Variants in ZNF117 observed in about 807,000 individuals in gnomAD.
ZNF117 encodes the protein Krueppel-related zinc finger protein.
ZNF117 carries 37 observed loss-of-function variants against 41.2 expected under a neutral mutation model. The observed-to-expected ratio is 0.90, with a 90% CI of 0.69 to 1.18. ZNF117 has a LOEUF of 1.18. Ranked by LOEUF, ZNF117 falls within the 50% of genes most tolerant of loss-of-function variation. The pLI, the probability that ZNF117 is intolerant of heterozygous loss-of-function variation, is 0.00. For synonymous variants in ZNF117, 186 were observed against 186.6 expected (o/e 1.00, Z 0.02); for missense variants, 546 against 557.5 (o/e 0.98, Z 0.21).
At chr7:64,980,650 A>G (rs549588054) in intron 2 of ZNF117, 15 of 152,152 alleles carry the variant, frequency 9.9e-5, no homozygotes. Context: ...AGTCACAGAC[A>G]AGAGAATATT....
At chr7:64,979,677 C>A in intron 2 of ZNF117, 141 bp from the exon 4 acceptor site, 1 of 556,800 alleles carries the variant, frequency 1.8e-6, no homozygotes, top group Non-Finnish European at 2.8e-6. Context: ...CCTTCATAGA[C>A]ATATAAATGT....
At chr7:64,974,629 A>T (rs1219757377) in exon 3 of ZNF117, 3 of 151,948 alleles carry the variant, frequency 2.0e-5, no homozygotes, top group Admixed American at 1.3e-4. Context: ...TATGTAAACC[A>T]ATACTAAAAT....
upstream of ZNF117, among the ~76,000 whole-genome samples, chr7:64,983,028 T>G (rs905644084): frequency 6.6e-6 from 1 of 152,202 alleles, no homozygotes; most frequent in Non-Finnish European, 1.5e-5. Context: ...TACAGATAAT[T>G]CATATGTTCT....
exon 3 of ZNF117, chr7:64,977,568 G>C: frequency 1.8e-6 from 1 of 564,586 alleles, no homozygotes; most frequent in Non-Finnish European, 3.4e-6. Context: ...ACACTTGTAG[G>C]GTTTCTCTCC....
exon 3 of ZNF117, chr7:64,977,222 A>C: frequency 2.4e-6 from 1 of 423,046 alleles, no homozygotes; most frequent in East Asian, 6.6e-5. Flanking sequence ...CACATTCTTC[A>C]CATTTGTAGG....
chr7:64,986,159 A>T (rs1205412615), upstream of ZNF117, among the ~76,000 whole-genome samples: 1 of 151,804 alleles, frequency 6.6e-6, no homozygotes, highest in Non-Finnish European at 1.5e-5. Context: ...GGTGTTATAA[A>T]AAAAAAATCC....
At chr7:64,976,625 T>C (rs1454022620) in exon 3 of ZNF117, 3 of 264,260 alleles carry the variant, frequency 1.1e-5, no homozygotes, top group Non-Finnish European at 2.2e-5. Flanking sequence ...AATTAAAAGT[T>C]TTGCCACATT....
chr7:64,982,660 T>A (rs1320748243), upstream of ZNF117, among the ~76,000 whole-genome samples: 11 of 152,206 alleles, frequency 7.2e-5, no homozygotes, highest in Admixed American at 7.2e-4. Flanking sequence ...GGTGAGCCTG[T>A]GTTTTTCCCA....
At position 64,978,278 on chromosome 7, in the gene ZNF117, G is replaced by T. The variant is rs1370245985; in HGVS notation, c.1293C>A (p.Thr431=). ...TATGAATTCTCTTATGTCCAATAAGGGTTGAAGATCGGTTAAAGGCTTTGC... is the reference window on the plus strand; with the variant it reads ...TATGAATTCTCTTATGTCCAATAAGTGTTGAAGATCGGTTAAAGGCTTTGC... Residue 431 remains threonine, a synonymous_variant, in exon 3 of 3, where the codon ACC becomes ACA. Coordinates refer to ENST00000620222, the Ensembl canonical transcript of ZNF117. The T allele has an allele frequency of 2.5e-6, 4 of 1,593,054 alleles. No individual in the cohort carries two copies. In the African/African-American group the frequency reaches 4.1e-5, roughly 16 times the overall value.
chr7:64,975,572 T>C (rs1464716531), exon 3 of ZNF117: 1 of 49,478 alleles, frequency 2.0e-5, no homozygotes, highest in African/African-American at 4.8e-5. Context: ...GATCACATGC[T>C]TTCACATGTG....
exon 3 of ZNF117, chr7:64,978,820 A>G (rs972644124): frequency 5.0e-6 from 8 of 1,613,486 alleles, no homozygotes; most frequent in Non-Finnish European, 6.8e-6. Context: ...CATTCTTCAC[A>G]TTCATAACGT....
exon 3 of ZNF117, chr7:64,977,648 GTAGGGTT>G (rs1230884732): frequency 2.1e-5 from 16 of 748,502 alleles, no homozygotes; most frequent in Non-Finnish European, 2.7e-5. Flanking sequence ...CTTCACACTT[GTAGGGTT>G]TCTCTCCAGT....
chr7:64,976,285 T>TA (rs1785885209), exon 3 of ZNF117: 2 of 152,228 alleles, frequency 1.3e-5, no homozygotes, highest in African/African-American at 2.4e-5. Context: ...CTACTAAAAA[T>TA]AAAAAAATTA....
chr7:64,973,436 T>C (rs1046385094), downstream of ZNF117: 3 of 151,976 alleles, frequency 2.0e-5, no homozygotes, highest in African/African-American at 7.2e-5. Context: ...AGTGAAACTC[T>C]GTTTAATAAC....
At chr7:64,974,160 T>A (rs1389037479), downstream of ZNF117, 2 of 151,956 alleles carry the variant, frequency 1.3e-5, no homozygotes, top group Admixed American at 1.3e-4. Flanking sequence ...ACAAATGGAA[T>A]GTTCTAACTA....
exon 3 of ZNF117, chr7:64,977,674 T>C: frequency 8.7e-6 from 7 of 806,614 alleles, no homozygotes; most frequent in South Asian, 1.3e-5. Context: ...GTATGAATTT[T>C]CTTATGTGTA....
downstream of ZNF117, chr7:64,972,068 T>C (rs1785793372): frequency 6.6e-6 from 1 of 151,776 alleles, no homozygotes; most frequent in African/African-American, 2.4e-5. Flanking sequence ...TCAAGATATA[T>C]AAAAAATGCT....
upstream of ZNF117, among the ~76,000 whole-genome samples, chr7:64,984,550 T>C (rs1786094878): frequency 6.6e-6 from 1 of 152,194 alleles, no homozygotes. Flanking sequence ...TCCAATTTAG[T>C]GAAATGATAG....
intron 2 of ZNF117, chr7:64,980,543 T>A (rs1489521714): frequency 6.6e-6 from 1 of 151,592 alleles, no homozygotes; most frequent in South Asian, 2.1e-4. Flanking sequence ...TGAAAAATTA[T>A]AAGAAAAACT....
Sources: allele counts gnomAD v4.1 joint callset (sites outside exome capture counted in the v4.1 genomes callset), GRCh38; gene constraint gnomAD v4.1.1; transcripts MANE v1.5; gene names NCBI Gene and HGNC (gene_info 2026-07-23, HGNC 2026-07-21).